Variants in TACC1 observed in about 807,000 individuals in gnomAD.
The protein encoded by TACC1 is transforming acidic coiled-coil containing protein 1, also known as transforming acidic coiled-coil-containing protein 1.
In TACC1, 48 loss-of-function variants were observed where a neutral mutation model predicts 84.4. The ratio of observed to expected loss-of-function variants is 0.57; its 90% CI spans 0.45 to 0.72. TACC1 has a LOEUF of 0.72. Among genes scored for constraint, TACC1 ranks in the 30% least tolerant of loss-of-function variants. The pLI, the probability that TACC1 is intolerant of heterozygous loss-of-function variation, is 0.00. For synonymous variants in TACC1, 372 were observed against 376.3 expected, an observed-to-expected ratio of 0.99 and a Z score of 0.13; for missense variants, 920 against 973.0, an observed-to-expected ratio of 0.95 and a Z score of 0.72.
intron 2 of TACC1, among the ~76,000 whole-genome samples, chr8:38,794,272 T>C (rs141125386): frequency 6.6e-6 from 1 of 152,342 alleles, no homozygotes; most frequent in African/African-American, 2.4e-5. Context: ...CTTTTGCCCA[T>C]TAAATTTTTT....
At chr8:38,818,599 T>C (rs777938928) in intron 2 of TACC1, among the ~76,000 whole-genome samples, 20 of 152,222 alleles carry the variant, frequency 1.3e-4, no homozygotes, top group Admixed American at 1.3e-4. Flanking sequence ...ATTTGTGTCT[T>C]AGTAAAATAA....
At chr8:38,756,324 G>T (rs1290022185) in intron 3 of TACC1, among the ~76,000 whole-genome samples, 1 of 152,106 alleles carries the variant, frequency 6.6e-6, no homozygotes, top group African/African-American at 2.4e-5. Context: ...GTTCTAGCAA[G>T]GGAGACAGGC....
chr8:38,780,423 C>A (rs1476563033), intron 3 of TACC1, among the ~76,000 whole-genome samples: 1 of 152,120 alleles, frequency 6.6e-6, no homozygotes, highest in East Asian at 1.9e-4. Flanking sequence ...AGTGCAGTGG[C>A]ACGATCTTGG....
intron 3 of TACC1, among the ~76,000 whole-genome samples, chr8:38,754,227 C>T: frequency 6.6e-6 from 1 of 152,154 alleles, no homozygotes; most frequent in East Asian, 1.9e-4. Flanking sequence ...GCTGGGATTA[C>T]AGGTGTGAGC....
rs555897309 is a variant in TACC1, at chr8:38,848,686, G to A, written c.*663G>A. Reference sequence around the variant, plus strand: ...TCAGAACACCAACTTAAGAATTTGGGGGATTAAAGATGTGAAGACCACAGT... The same window carrying A: ...TCAGAACACCAACTTAAGAATTTGGAGGATTAAAGATGTGAAGACCACAGT... On this transcript the variant is annotated 3_prime_UTR_variant, in exon 13 of 13. Coordinates refer to ENST00000317827, the MANE Select transcript of TACC1 (RefSeq NM_006283.3). The A allele has an allele frequency of 6.6e-6, 1 of 152,646 alleles. No individual in the cohort carries two copies. Among genetic ancestry groups the A allele is most frequent in the East Asian group, 1.9e-4 (1 of 5,192 alleles). 9.5% of individuals were successfully genotyped at this position (152,646 alleles called of 1,614,324 possible).
At position 38,851,099 on chromosome 8, in the gene TACC1, C is replaced by T. The variant is rs1302893469; in HGVS notation, c.*3076C>T. 1 of 152,218 alleles carries T rather than the reference C, an allele frequency of 6.6e-6. No homozygotes were observed. The highest frequency in any genetic ancestry group is 6.5e-5 in the Admixed American group (1 of 15,276). 9.4% of individuals were successfully genotyped at this position (152,218 alleles called of 1,614,324 possible). A position where few individuals can be genotyped will look rare whatever the true frequency, so the allele number is the denominator to read the frequency against. On this transcript the variant is annotated 3_prime_UTR_variant, in exon 13 of 13. Coordinates refer to ENST00000317827, the MANE Select transcript of TACC1 (RefSeq NM_006283.3). ...ACTGCTCTGGAAATACCGGGAAGCC[C>T]AGTTTTCTCACGTGGTTTCTAGCTT... is the stretch of plus-strand genomic sequence containing the variant.
At chr8:38,819,445 A>G in intron 2 of TACC1, 77 bp from the exon 3 acceptor site, 5 of 1,451,258 alleles carry the variant, frequency 3.4e-6, no homozygotes, top group Non-Finnish European at 4.6e-6. Flanking sequence ...CTATTTGTTT[A>G]TATGAATTCA....
chr8:38,766,349 C>T (rs924847339), intron 3 of TACC1, among the ~76,000 whole-genome samples: 1 of 152,172 alleles, frequency 6.6e-6, no homozygotes, highest in Admixed American at 6.5e-5. Context: ...AGGCAAAATA[C>T]ATTATATTTA....
chr8:38,782,420 T>C (rs1196421286), upstream of TACC1, among the ~76,000 whole-genome samples: 4 of 152,210 alleles, frequency 2.6e-5, no homozygotes, highest in Admixed American at 2.6e-4. Context: ...CAGTCTATCA[T>C]TGTTGGACAT....
At chr8:38,735,452 C>G (rs530517547) in intron 1 of TACC1, among the ~76,000 whole-genome samples, 1 of 152,230 alleles carries the variant, frequency 6.6e-6, no homozygotes, top group East Asian at 1.9e-4. Context: ...ATCTGGCTTC[C>G]GGGTAGATTT....
At chr8:38,836,084 A>G (rs1224377517) in intron 6 of TACC1, 78 bp from the exon 7 acceptor site, 31 of 1,574,428 alleles carry the variant, frequency 2.0e-5, no homozygotes, top group Non-Finnish European at 2.5e-5. Flanking sequence ...TCAATTTAGT[A>G]ATGAGGAAGT....
chr8:38,824,093 C>T, intron 3 of TACC1: 2 of 1,172,232 alleles, frequency 1.7e-6, no homozygotes, highest in Admixed American at 3.8e-5. Flanking sequence ...CTCCCCCAGC[C>T]ATCTCTCCAT....
intron 4 of TACC1, among the ~76,000 whole-genome samples, chr8:38,826,420 A>G (rs1828060921): frequency 1.3e-5 from 2 of 152,226 alleles, no homozygotes; most frequent in Non-Finnish European, 2.9e-5. Context: ...TGATATAACA[A>G]CTTACTTTTG....
At chr8:38,739,952 C>G (rs540110936) in intron 1 of TACC1, among the ~76,000 whole-genome samples, 1 of 152,340 alleles carries the variant, frequency 6.6e-6, no homozygotes, top group East Asian at 1.9e-4. Flanking sequence ...AGGACTTTAT[C>G]CTACTGCCTT....
At position 38,787,504 on chromosome 8, in the gene TACC1, C is replaced by T. The variant is rs1002557125; in HGVS notation, c.-79C>T. On this transcript the variant is annotated 5_prime_UTR_variant, in exon 1 of 13. Coordinates refer to ENST00000317827, the MANE Select transcript of TACC1 (RefSeq NM_006283.3). ...CGCTTGCTGGCGCCTGTCACCGGTTCCCTCCATTTTGAAAGGGAAAAAGGC... is the reference window on the plus strand; with the variant it reads ...CGCTTGCTGGCGCCTGTCACCGGTTTCCTCCATTTTGAAAGGGAAAAAGGC... The T allele has an allele frequency of 6.3e-6, 9 of 1,423,594 alleles. No homozygotes were observed. The African/African-American group carries it at 9.1e-5, about 14-fold the overall frequency. The allele number at this position is 1,423,594 out of a possible 1,614,324, so 88.2% of individuals were successfully genotyped here. A position where few individuals can be genotyped will look rare whatever the true frequency, so the allele number is the denominator to read the frequency against.
rs538234563 is a variant in TACC1 at position 38,818,323 on chromosome 8, C to A, written c.278-1199C>A. On this transcript the variant is annotated intron_variant, in intron 2 of 12. Coordinates refer to ENST00000317827, the MANE Select transcript of TACC1 (RefSeq NM_006283.3). The stretch of plus-strand genomic sequence containing the variant: ...GGATTAGGAAGTAGGATTAGAGGGT[C>A]ATCTTTTAATTTCCTTTAAAATCAT... Among the ~76,000 whole-genome samples the A allele has an allele frequency of 3.0e-3, 456 of 152,314 alleles. 2 individuals carry two copies. The highest frequency in any genetic ancestry group is 0.01 in the African/African-American group (424 of 41,564).
At chr8:38,825,494 C>CCAATTTCCAGATCCTT (rs2152251732) in intron 4 of TACC1, 126 bp downstream of exon 4, 1 of 924,948 alleles carries the variant, frequency 1.1e-6, no homozygotes, top group Non-Finnish European at 1.7e-6. Context: ...CTTTAAGAAG[C>CCAATTTCCAGATCCTT]CAATTTCCAG....
intron 3 of TACC1, among the ~76,000 whole-genome samples, chr8:38,774,835 A>AC (rs1216751561): frequency 6.6e-6 from 1 of 151,732 alleles, no homozygotes; most frequent in Admixed American, 6.6e-5. Flanking sequence ...ACATGGTGAA[A>AC]CCCCCTCTCT....
intron 3 of TACC1, among the ~76,000 whole-genome samples, chr8:38,773,930 T>C (rs762220754): frequency 2.2e-4 from 34 of 152,248 alleles, no homozygotes; most frequent in Non-Finnish European, 4.4e-4. Context: ...TTCTTTCTTC[T>C]TTGAACTGCC....
Sources: gnomAD v4.1 joint callset for allele counts (sites outside exome capture counted in the v4.1 genomes callset) on GRCh38, gnomAD v4.1.1 for gene constraint, MANE v1.5 for transcripts, NCBI Gene and HGNC (gene_info 2026-07-23, HGNC 2026-07-21) for gene names.